Variants in MCC observed in about 807,000 individuals in gnomAD.
MCC encodes colorectal mutant cancer protein.
A neutral mutation model predicts 116.2 loss-of-function variants in MCC; 90 were observed. That is an observed-to-expected ratio of 0.77 (90% CI 0.65 to 0.92). The LOEUF (loss-of-function observed/expected upper bound fraction) is 0.92. Among genes scored for constraint, MCC ranks in the 40% least tolerant of loss-of-function variants. MCC has a pLI of 0.00. For missense variants in MCC, 1,516 were observed against 1,312.2 expected, an observed-to-expected ratio of 1.16 and a Z score of -2.40; for synonymous variants, 578 against 510.5, an observed-to-expected ratio of 1.13 and a Z score of -1.78.
At chr5:113,151,185 C>T (rs959673319) in intron 4 of MCC, 124 bp downstream of exon 4, 2 of 645,194 alleles carry the variant, frequency 3.1e-6, no homozygotes, top group South Asian at 4.0e-5. Context: ...CAGACCAAGA[C>T]AGAGTATTTG....
At chr5:113,044,917 A>G (rs4705534) in intron 16 of MCC, among the ~76,000 whole-genome samples, 148,958 of 152,306 alleles carry the variant, frequency 0.98, 72,852 homozygotes, top group East Asian at 1. Context: ...GAGAGGCACG[A>G]ATTCAGTGCT....
chr5:113,036,376 G>GGACT (rs1179390850), intron 17 of MCC, among the ~76,000 whole-genome samples: 4 of 152,074 alleles, frequency 2.6e-5, no homozygotes, highest in African/African-American at 9.7e-5. Context: ...TGCAGAACTG[G>GGACT]GACTCCCACC....
chr5:113,450,414 G>C (rs747314614), intron 1 of MCC, among the ~76,000 whole-genome samples: 18 of 152,124 alleles, frequency 1.2e-4, no homozygotes, highest in Non-Finnish European at 2.4e-4. Context: ...GGGAGCTTGA[G>C]GTAGTTCTTT....
intron 3 of MCC, among the ~76,000 whole-genome samples, chr5:113,224,251 T>C (rs1216377561): frequency 2.6e-5 from 4 of 151,962 alleles, no homozygotes; most frequent in Non-Finnish European, 5.9e-5. Flanking sequence ...CGCGACCACA[T>C]CCGGCTAATT....
chr5:113,231,975 T>C (rs913854014), intron 3 of MCC, among the ~76,000 whole-genome samples: 4 of 152,170 alleles, frequency 2.6e-5, no homozygotes, highest in African/African-American at 9.6e-5. Flanking sequence ...AGGACCTATA[T>C]AATTTTGAAT....
chr5:113,296,149 T>G (rs1329618173), intron 3 of MCC, among the ~76,000 whole-genome samples: 1 of 152,138 alleles, frequency 6.6e-6, no homozygotes, highest in African/African-American at 2.4e-5. Flanking sequence ...ACTGCCAAAC[T>G]AGAGCACATT....
At chr5:113,338,677 T>C (rs1384673181) in intron 3 of MCC, among the ~76,000 whole-genome samples, 1 of 152,224 alleles carries the variant, frequency 6.6e-6, no homozygotes, top group East Asian at 1.9e-4. Flanking sequence ...GCTGATATAG[T>C]ACAGAGGAGG....
intron 3 of MCC, among the ~76,000 whole-genome samples, chr5:113,175,010 A>C (rs942176667): frequency 6.6e-6 from 1 of 152,134 alleles, no homozygotes; most frequent in Non-Finnish European, 1.5e-5. Context: ...ATGGGTATTG[A>C]AGAATAAACA....
chr5:113,325,335 G>A (rs1767526877), intron 3 of MCC, among the ~76,000 whole-genome samples: 1 of 151,962 alleles, frequency 6.6e-6, no homozygotes, highest in Non-Finnish European at 1.5e-5. Flanking sequence ...CACAATAAGA[G>A]TGCTCAAACT....
intron 1 of MCC, among the ~76,000 whole-genome samples, chr5:113,454,534 C>T (rs547104892): frequency 2.8e-4 from 42 of 152,300 alleles, no homozygotes; most frequent in South Asian, 1.2e-3. Context: ...CTAAGGGAGG[C>T]TAATTGGGCC....
intron 2 of MCC, among the ~76,000 whole-genome samples, chr5:113,378,929 T>C (rs1027804913): frequency 1.3e-5 from 2 of 152,242 alleles, no homozygotes; most frequent in Non-Finnish European, 2.9e-5. Context: ...AAAGCACACT[T>C]TTCAAAATGA....
chr5:113,413,122 C>T (rs990205515), intron 1 of MCC, among the ~76,000 whole-genome samples: 1 of 152,048 alleles, frequency 6.6e-6, no homozygotes, highest in Non-Finnish European at 1.5e-5. Context: ...GGATGAAGCC[C>T]ACTTGATCAT....
intron 14 of MCC, among the ~76,000 whole-genome samples, chr5:113,061,452 A>G (rs545212618): frequency 1.3e-5 from 2 of 152,178 alleles, no homozygotes. Flanking sequence ...CTTTGTCATG[A>G]TATGTTGATA....
chr5:113,232,277 T>A (rs1431594680), intron 3 of MCC, among the ~76,000 whole-genome samples: 2 of 152,170 alleles, frequency 1.3e-5, no homozygotes, highest in Non-Finnish European at 2.9e-5. Context: ...ATCCATTTAA[T>A]GTAGTATGGT....
intron 3 of MCC, among the ~76,000 whole-genome samples, chr5:113,252,047 A>AT (rs1491447197): frequency 6.6e-6 from 1 of 151,888 alleles, no homozygotes; most frequent in African/African-American, 2.4e-5. Context: ...AAAAATCAAC[A>AT]GAGAGTCCTG....
intron 3 of MCC, among the ~76,000 whole-genome samples, chr5:113,197,138 T>C (rs1762451407): frequency 6.6e-6 from 1 of 152,116 alleles, no homozygotes; most frequent in Non-Finnish European, 1.5e-5. Context: ...GGCTGGGGGG[T>C]CCGCTCCACT....
At position 113,328,950 on chromosome 5, in the gene MCC, A is replaced by G. The variant is rs139233429; in HGVS notation, c.627+11569T>C. ...ATTTCCCAATGACACTGCCTGCAGC[A>G]TCCCTCCTTCCCTTGGGGGCACATA... On this transcript the variant is annotated intron_variant, in intron 3 of 18. Coordinates refer to ENST00000408903, the MANE Select transcript of MCC (RefSeq NM_001085377.2). Among the ~76,000 whole-genome samples the G allele has an allele frequency of 1.6e-3, 243 of 152,272 alleles. 6 individuals are homozygous for G. The East Asian group carries it at 0.021, about 13-fold the overall frequency.
intron 3 of MCC, among the ~76,000 whole-genome samples, chr5:113,239,655 C>G (rs1365336565): frequency 6.6e-6 from 1 of 152,178 alleles, no homozygotes; most frequent in African/African-American, 2.4e-5. Flanking sequence ...CTTCAAAGTG[C>G]TGCCCATTTG....
chr5:113,074,582 A>T (rs544520790), intron 11 of MCC, among the ~76,000 whole-genome samples: 2 of 152,088 alleles, frequency 1.3e-5, no homozygotes, highest in African/African-American at 4.8e-5. Flanking sequence ...ATAATAACAA[A>T]CTTCTCCAAG....
Sources: gnomAD v4.1 joint callset for allele counts (sites outside exome capture counted in the v4.1 genomes callset) on GRCh38, gnomAD v4.1.1 for gene constraint, MANE v1.5 for transcripts, NCBI Gene and HGNC (gene_info 2026-07-23, HGNC 2026-07-21) for gene names.